The following CAPZA1 variants were observed in gnomAD, a reference collection of about 807,000 sequenced individuals.
CAPZA1 encodes the protein F-actin-capping protein subunit alpha-1.
Under a neutral mutation model 40.8 loss-of-function variants are expected in CAPZA1, and 10 were observed. The observed-to-expected ratio is 0.25, with a 90% CI of 0.15 to 0.42. The LOEUF (loss-of-function observed/expected upper bound fraction) is 0.42. CAPZA1 is among the 10% of genes least tolerant of loss of function. CAPZA1 has a pLI of 1.00. For missense variants in CAPZA1, 277 were observed against 353.8 expected (o/e 0.78, Z 1.74); for synonymous variants, 98 against 115.0 (o/e 0.85, Z 0.95).
intron 5 of CAPZA1, among the ~76,000 whole-genome samples, chr1:112,657,054 A>G (rs1335252881): frequency 6.6e-6 from 1 of 151,962 alleles, no homozygotes; most frequent in African/African-American, 2.4e-5. Flanking sequence ...GGCGCCTGCC[A>G]CCACACCTGG....
intron 2 of CAPZA1, 140 bp downstream of exon 2, chr1:112,647,413 G>T (rs559533954): frequency 2.2e-6 from 1 of 446,542 alleles, no homozygotes; most frequent in East Asian, 3.4e-5. Flanking sequence ...ACTTGTCCAA[G>T]GTCCCCCAGT....
At chr1:112,635,465 TCTGTC>T (rs1160532046) in intron 1 of CAPZA1, among the ~76,000 whole-genome samples, 4 of 152,184 alleles carry the variant, frequency 2.6e-5, no homozygotes, top group Admixed American at 1.3e-4. Context: ...TTCTCCCTTT[TCTGTC>T]TAGAATTATC....
rs114227823 is a variant in CAPZA1 at position 112,632,815 on chromosome 1, C to T, written c.39+12932C>T. Reference sequence around the variant, plus strand: ...TATGTCTAATAAAACTCTTAATTGGCTACTAATAGAGAAAACAATTTCTAA... The same window carrying T: ...TATGTCTAATAAAACTCTTAATTGGTTACTAATAGAGAAAACAATTTCTAA... On this transcript the variant is annotated intron_variant, in intron 1 of 9. Coordinates refer to ENST00000263168, the MANE Select transcript of CAPZA1 (RefSeq NM_006135.3). 1.4e-3 allele frequency among the ~76,000 whole-genome samples: 220 copies of T among 152,236 alleles called. 1 individual carries two copies. The highest frequency in any genetic ancestry group is 5.0e-3 in the African/African-American group (207 of 41,538).
In CAPZA1 at chr1:112,669,523, CTTCT is replaced by C; in HGVS notation, c.658-18_658-15del. On this transcript the variant is annotated splice_polypyrimidine_tract_variant and intron_variant, in intron 8 of 9. Transcript: ENST00000263168. ...CATTAAAAAAAAATCTGATTTTCCCCTTCTTCCTTCCTTCATTAGAATGAAGCCC... is the reference window on the plus strand; with the variant it reads ...CATTAAAAAAAAATCTGATTTTCCCCTCCTTCCTTCATTAGAATGAAGCCC... The C allele has an allele frequency of 5.7e-6, 9 of 1,585,244 alleles. No individual in the cohort carries two copies. Among genetic ancestry groups the C allele is most frequent in the Non-Finnish European group, 7.8e-6 (9 of 1,154,840 alleles).
At chr1:112,652,878 G>A (rs906500007) in intron 3 of CAPZA1, among the ~76,000 whole-genome samples, 11 of 152,194 alleles carry the variant, frequency 7.2e-5, no homozygotes, top group African/African-American at 2.6e-4. Flanking sequence ...ATCAAGCTTT[G>A]GACAAATAGT....
chr1:112,635,052 C>A (rs987325582), intron 1 of CAPZA1, among the ~76,000 whole-genome samples: 1 of 152,112 alleles, frequency 6.6e-6, no homozygotes, highest in African/African-American at 2.4e-5. Flanking sequence ...AAGAGGAAAG[C>A]AAGGCAGTTT....
At chr1:112,656,252 A>G (rs1671497188) in intron 5 of CAPZA1, among the ~76,000 whole-genome samples, 1 of 152,172 alleles carries the variant, frequency 6.6e-6, no homozygotes, top group Non-Finnish European at 1.5e-5. Context: ...CCTTAGGTAA[A>G]TTACTTAACA....
intron 1 of CAPZA1, among the ~76,000 whole-genome samples, chr1:112,644,798 G>A (rs1293586699): frequency 6.6e-6 from 1 of 152,078 alleles, no homozygotes; most frequent in African/African-American, 2.4e-5. Flanking sequence ...ATCATTACTA[G>A]CATTATTACT....
At chr1:112,654,715 A>G (rs764350370) in intron 5 of CAPZA1, 44 bp downstream of exon 5, 23 of 1,350,384 alleles carry the variant, frequency 1.7e-5, no homozygotes, top group Non-Finnish European at 2.4e-5. Context: ...GTTTTCTTAT[A>G]TTTACCTTAT....
intron 3 of CAPZA1, among the ~76,000 whole-genome samples, chr1:112,652,582 G>C (rs1015545845): frequency 1.5e-4 from 22 of 151,574 alleles, no homozygotes; most frequent in Admixed American, 1.2e-3. Flanking sequence ...AAAACTAGTG[G>C]TCTCCATCCT....
chr1:112,643,610 C>T (rs1381597762), intron 1 of CAPZA1, among the ~76,000 whole-genome samples: 2 of 151,946 alleles, frequency 1.3e-5, no homozygotes, highest in East Asian at 1.9e-4. Flanking sequence ...AACTCAGGAC[C>T]GAAAAAAGTT....
rs1553180448 is a variant in CAPZA1, at chr1:112,656,466, T to TTTTTTTTTTTC, written c.426+1795_426+1796insTTTTTTTTTTC. 2.0e-4 allele frequency among the ~76,000 whole-genome samples: 19 copies of TTTTTTTTTTTC among 94,408 alleles called. 2 individuals carry two copies. Among genetic ancestry groups the TTTTTTTTTTTC allele is most frequent in the Non-Finnish European group, 2.4e-4 (11 of 45,272 alleles). The allele number at this position is 94,408 out of a possible 152,430, so 61.9% of individuals were successfully genotyped here. On this transcript the variant is annotated intron_variant, in intron 5 of 9. Coordinates refer to ENST00000263168, the MANE Select transcript of CAPZA1 (RefSeq NM_006135.3). ...TTTTTTTTTTTTTTTTTTTTTTTTT[T>TTTTTTTTTTTC]AATGAGAATACCCATTATGGTGGAC...
intron 1 of CAPZA1, among the ~76,000 whole-genome samples, chr1:112,640,291 A>G (rs1671122552): frequency 8.8e-6 from 1 of 114,008 alleles, no homozygotes; most frequent in Non-Finnish European, 1.9e-5. Context: ...CTGCCCGGCC[A>G]GCCGCCCCGT....
chr1:112,651,446 T>C lies in CAPZA1; in HGVS notation c.155+1977T>C, dbSNP rs547335303. Among the ~76,000 whole-genome samples the C allele has an allele frequency of 7.2e-5, 11 of 152,154 alleles. No homozygotes were observed. The East Asian group carries it at 1.4e-3, about 19-fold the overall frequency. On this transcript the variant is annotated intron_variant, in intron 3 of 9. Transcript: ENST00000263168. ...ACTGGTTGGACTAGAGTGGTAGCAGTGGGGGTGGTGGGAAGAAGTCAGATT... is the reference window on the plus strand; with the variant it reads ...ACTGGTTGGACTAGAGTGGTAGCAGCGGGGGTGGTGGGAAGAAGTCAGATT...
intron 1 of CAPZA1, 153 bp downstream of exon 1, chr1:112,620,036 A>G: frequency 1.6e-6 from 1 of 614,438 alleles, no homozygotes; most frequent in Non-Finnish European, 2.8e-6. Context: ...CTTCCCTCTT[A>G]GGGGGCTTTC....
At chr1:112,626,467 G>A (rs139567818) in intron 1 of CAPZA1, among the ~76,000 whole-genome samples, 78 of 151,880 alleles carry the variant, frequency 5.1e-4, no homozygotes, top group Non-Finnish European at 6.8e-4. Context: ...GTGGGACAGG[G>A]CACAAGTAAA....
intron 3 of CAPZA1, 53 bp from the exon 4 acceptor site, chr1:112,653,545 T>C: frequency 8.3e-7 from 1 of 1,201,146 alleles, no homozygotes; most frequent in Non-Finnish European, 1.2e-6. Context: ...CATAATTCTT[T>C]TCTCTCTCCC....
In CAPZA1 at chr1:112,667,528, T is replaced by TTGG. The variant is rs1426135610; in HGVS notation, c.657+394_657+396dup. On this transcript the variant is annotated intron_variant, in intron 8 of 9. Transcript: ENST00000263168. ...GTATTCAATTAGAATGTTTTGTGGT[T>TTGG]TGGTGGTGGTGGTCTATTTGAGACA... is the stretch of plus-strand genomic sequence containing the variant. Among the ~76,000 whole-genome samples the TTGG allele has an allele frequency of 3.3e-5, 5 of 152,218 alleles. No individual in the cohort carries two copies. The South Asian group carries it at 1.0e-3, about 32-fold the overall frequency.
At chr1:112,666,874 G>A in intron 7 of CAPZA1, 200 bp from the exon 8 acceptor site, 1 of 528,164 alleles carries the variant, frequency 1.9e-6, no homozygotes, top group East Asian at 3.1e-5. Flanking sequence ...CCTTGCTAAG[G>A]AAAAAGCGTT....
Sources: allele counts gnomAD v4.1 joint callset (sites outside exome capture counted in the v4.1 genomes callset), GRCh38; gene constraint gnomAD v4.1.1; transcripts MANE v1.5; gene names NCBI Gene and HGNC (gene_info 2026-07-23, HGNC 2026-07-21).